Variants in AKAP6 observed in about 807,000 individuals in gnomAD.
The protein encoded by AKAP6 is A-kinase anchor protein 6.
A neutral mutation model predicts 188.5 loss-of-function variants in AKAP6; 58 were observed. The ratio of observed to expected loss-of-function variants is 0.31; its 90% CI spans 0.25 to 0.38. AKAP6 has a LOEUF of 0.38. Ranked by LOEUF, AKAP6 falls within the 10% of genes least tolerant of loss-of-function variation. AKAP6 has a pLI of 1.00. For synonymous variants in AKAP6, 989 were observed against 998.6 expected, an observed-to-expected ratio of 0.99 and a Z score of 0.18; for missense variants, 2,710 against 2,740.0, an observed-to-expected ratio of 0.99 and a Z score of 0.24.
Position 32,371,808 on chromosome 14 carries a change from T to A in AKAP6, c.-35+42400T>A, listed in dbSNP as rs1364646843. Among the ~76,000 whole-genome samples the A allele has an allele frequency of 3.3e-5, 5 of 152,010 alleles. No individual in the cohort carries two copies. The East Asian group carries it at 9.7e-4, about 29-fold the overall frequency. ...GAAGGAACTAAGGTGTAGCTTGGAG[T>A]CAAAGATTCCAGGTGTAGTGGGGTG... On this transcript the variant is annotated intron_variant, in intron 1 of 13. Coordinates refer to ENST00000280979, the MANE Select transcript of AKAP6 (RefSeq NM_004274.5).
At position 32,535,532 on chromosome 14, in the gene AKAP6, A is replaced by T. The variant is rs555353973; in HGVS notation, c.325-22A>T. On this transcript the variant is annotated intron_variant, in intron 2 of 13. Transcript: ENST00000280979. The stretch of plus-strand genomic sequence containing the variant: ...GGATAAGGCAAAGTAGTCCTCACAT[A>T]TGTTGCTTTTCTTTACTGCAGGACA... 5.6e-6 allele frequency: 9 copies of T among 1,605,112 alleles called. No homozygotes were observed. The South Asian group carries it at 1.0e-4, about 18-fold the overall frequency.
intron 7 of AKAP6, among the ~76,000 whole-genome samples, chr14:32,621,845 C>G (rs1182596641): frequency 6.6e-6 from 1 of 152,038 alleles, no homozygotes; most frequent in Non-Finnish European, 1.5e-5. Flanking sequence ...TGTTAGCTCA[C>G]TGATATCCTA....
At chr14:32,406,438 G>A (rs1889297940) in intron 1 of AKAP6, among the ~76,000 whole-genome samples, 1 of 152,102 alleles carries the variant, frequency 6.6e-6, no homozygotes, top group African/African-American at 2.4e-5. Flanking sequence ...TTGGGCTCCT[G>A]ACCTCGTGAT....
intron 9 of AKAP6, among the ~76,000 whole-genome samples, chr14:32,705,318 A>C (rs1890768843): frequency 1.3e-5 from 2 of 152,170 alleles, no homozygotes. Context: ...TATCAATTTT[A>C]ATATCTAGCT....
intron 7 of AKAP6, among the ~76,000 whole-genome samples, chr14:32,653,292 T>C (rs568808211): frequency 2.6e-5 from 4 of 152,280 alleles, no homozygotes; most frequent in African/African-American, 9.6e-5. Flanking sequence ...TTGTCAGATT[T>C]GAACTCCACC....
intron 1 of AKAP6, among the ~76,000 whole-genome samples, chr14:32,383,279 A>T (rs1014577747): frequency 3.9e-5 from 6 of 152,198 alleles, no homozygotes; most frequent in African/African-American, 1.4e-4. Context: ...AAAATAGTAT[A>T]TCATATACTT....
At chr14:32,412,720 A>G (rs1381950212) in intron 1 of AKAP6, among the ~76,000 whole-genome samples, 1 of 152,224 alleles carries the variant, frequency 6.6e-6, no homozygotes, top group East Asian at 1.9e-4. Context: ...ACACTCTTCA[A>G]GTCTCCAGGA....
chr14:32,344,011 G>A (rs934519444), intron 1 of AKAP6, among the ~76,000 whole-genome samples: 6 of 152,134 alleles, frequency 3.9e-5, no homozygotes, highest in Admixed American at 3.3e-4. Context: ...GTCTCCTCAA[G>A]CAATTGGAAG....
chr14:32,401,524 C>T (rs1299711851), intron 1 of AKAP6, among the ~76,000 whole-genome samples: 1 of 152,180 alleles, frequency 6.6e-6, no homozygotes, highest in South Asian at 2.1e-4. Flanking sequence ...TGTAACACTT[C>T]AAAATTGTGA....
chr14:32,568,583 A>C lies in AKAP6; in HGVS notation c.2347-8537A>C, dbSNP rs527358669. Among the ~76,000 whole-genome samples the C allele has an allele frequency of 6.6e-6, 1 of 152,146 alleles. No homozygotes were observed. Among genetic ancestry groups the C allele is most frequent in the Non-Finnish European group, 1.5e-5 (1 of 68,034 alleles). On this transcript the variant is annotated intron_variant, in intron 4 of 13. Coordinates refer to ENST00000280979, the MANE Select transcript of AKAP6 (RefSeq NM_004274.5). This position sits in a 1 kb window ranked among gnomAD's most constrained non-coding sequence, Gnocchi z 6.2. ...TAAAGATGATCTGATCTGCTTATCC[A>C]GTGTCTTGGAGGATTGGGGGTGCTT... is the stretch of plus-strand genomic sequence containing the variant.
chr14:32,681,498 C>T (rs149399686), intron 8 of AKAP6, among the ~76,000 whole-genome samples: 1 of 152,168 alleles, frequency 6.6e-6, no homozygotes, highest in East Asian at 1.9e-4. Flanking sequence ...ATAAGCTTTT[C>T]CCCCAAATCT....
At chr14:32,406,159 C>T (rs528927942) in intron 1 of AKAP6, among the ~76,000 whole-genome samples, 52 of 152,092 alleles carry the variant, frequency 3.4e-4, no homozygotes, top group Admixed American at 1.8e-3. Flanking sequence ...GATAGTGTAA[C>T]GAAAGCTCTC....
intron 7 of AKAP6, among the ~76,000 whole-genome samples, chr14:32,650,964 G>A (rs148434947): frequency 4.6e-5 from 7 of 152,200 alleles, no homozygotes; most frequent in South Asian, 2.1e-4. Context: ...CTTTTAAGCC[G>A]TAAGGTAAGA....
chr14:32,367,823 C>A (rs8021057), intron 1 of AKAP6, among the ~76,000 whole-genome samples: 145,114 of 152,192 alleles, frequency 0.95, 69,284 homozygotes, highest in Non-Finnish European at 0.98. Flanking sequence ...AGCTACTTCA[C>A]TCATTACTAC....
At chr14:32,428,879 T>TA (rs1161070182) in intron 1 of AKAP6, among the ~76,000 whole-genome samples, 15 of 152,106 alleles carry the variant, frequency 9.9e-5, no homozygotes, top group African/African-American at 1.7e-4. Context: ...TTTTATAATT[T>TA]AAAAAAAAGC....
At chr14:32,713,605 C>T (rs1327645291) in intron 9 of AKAP6, among the ~76,000 whole-genome samples, 1 of 152,066 alleles carries the variant, frequency 6.6e-6, no homozygotes, top group Non-Finnish European at 1.5e-5. Context: ...TCACCTTGCA[C>T]TTTTATGTTA....
intron 7 of AKAP6, among the ~76,000 whole-genome samples, chr14:32,646,655 A>G (rs1887998189): frequency 6.6e-6 from 1 of 152,132 alleles, no homozygotes; most frequent in South Asian, 2.1e-4. Flanking sequence ...AGACAAAAAC[A>G]TGTGTTATCT....
intron 12 of AKAP6, among the ~76,000 whole-genome samples, chr14:32,802,672 A>G (rs565680773): frequency 6.6e-6 from 1 of 152,356 alleles, no homozygotes; most frequent in East Asian, 1.9e-4. Flanking sequence ...AACCTGAGCT[A>G]TGCATATAAA....
intron 12 of AKAP6, among the ~76,000 whole-genome samples, chr14:32,802,576 A>G (rs2033979374): frequency 6.6e-6 from 1 of 152,188 alleles, no homozygotes; most frequent in South Asian, 2.1e-4. Flanking sequence ...AAATTCACAT[A>G]ATCTTTAGCT....
Sources: gnomAD v4.1 joint callset for allele counts (sites outside exome capture counted in the v4.1 genomes callset) on GRCh38, gnomAD v4.1.1 for gene constraint, Gnocchi (gnomAD v3.1) non-coding constraint, MANE v1.5 for transcripts, NCBI Gene and HGNC (gene_info 2026-07-23, HGNC 2026-07-21) for gene names.